The following SLC71A2 variants were observed in gnomAD, a reference collection of about 807,000 sequenced individuals.
The protein encoded by SLC71A2 is hippocampus abundant transcript-like 1.
At chr9:94,399,768 A>C in the SLC71A2 span, among the ~76,000 whole-genome samples, 1 of 151,912 alleles carries the variant, frequency 6.6e-6, no homozygotes, top group East Asian at 1.9e-4. Flanking sequence ...CGCCACACAG[A>C]AAGCCAATCA....
chr9:94,402,777 A>C, the SLC71A2 span, among the ~76,000 whole-genome samples: 1 of 152,234 alleles, frequency 6.6e-6, no homozygotes, highest in African/African-American at 2.4e-5. Context: ...TCTTGAAACC[A>C]TGTGACCAAG....
At chr9:94,416,840 G>A in the SLC71A2 span, among the ~76,000 whole-genome samples, 1 of 133,144 alleles carries the variant, frequency 7.5e-6, no homozygotes, top group Non-Finnish European at 1.6e-5. Flanking sequence ...GACAACAAAA[G>A]CAAAACTCCA....
the SLC71A2 span, among the ~76,000 whole-genome samples, chr9:94,391,362 T>TAAA: frequency 2.3e-5 from 3 of 130,396 alleles, no homozygotes; most frequent in Middle Eastern, 4.0e-3. Context: ...GACTCTGTCT[T>TAAA]AAAAAAAAAA....
At chr9:94,451,241 A>G in the SLC71A2 span, among the ~76,000 whole-genome samples, 1 of 152,234 alleles carries the variant, frequency 6.6e-6, no homozygotes, top group Non-Finnish European at 1.5e-5. Flanking sequence ...AAATGTCTAT[A>G]AAACATTTCA....
the SLC71A2 span, among the ~76,000 whole-genome samples, chr9:94,455,400 T>TTTTTTTAAG: frequency 8.4e-6 from 1 of 118,596 alleles, no homozygotes; most frequent in Non-Finnish European, 1.7e-5. Flanking sequence ...TTTTTTTTTG[T>TTTTTTTAAG]AAAGACAAGG....
At chr9:94,386,289 A>G in the SLC71A2 span, among the ~76,000 whole-genome samples, 1 of 145,146 alleles carries the variant, frequency 6.9e-6, no homozygotes, top group Non-Finnish European at 1.5e-5. Context: ...GTTTTTCTGC[A>G]TTGTCTAATC....
At chr9:94,415,292 A>C in the SLC71A2 span, 1 of 1,414,250 alleles carries the variant, frequency 7.1e-7, no homozygotes, top group Non-Finnish European at 1.0e-6. Context: ...TTGTAAGAGA[A>C]AGAGATAAGT....
chr9:94,390,974 A>G, the SLC71A2 span, among the ~76,000 whole-genome samples: 1 of 151,968 alleles, frequency 6.6e-6, no homozygotes, highest in Non-Finnish European at 1.5e-5. Flanking sequence ...TTCTTCAGGA[A>G]GATTTATCTG....
At chr9:94,433,251 C>T in the SLC71A2 span, 2,996 of 198,510 alleles carry the variant, frequency 0.015, 81 homozygotes, top group African/African-American at 0.065. Flanking sequence ...CGCTCTGTCC[C>T]ACACTGGCAG....
At chr9:94,429,626 C>T in the SLC71A2 span, among the ~76,000 whole-genome samples, 18 of 151,876 alleles carry the variant, frequency 1.2e-4, no homozygotes, top group African/African-American at 3.4e-4. Flanking sequence ...AGAAGGAAGC[C>T]GAGCTGGTAA....
the SLC71A2 span, among the ~76,000 whole-genome samples, chr9:94,384,510 TTG>T: frequency 6.6e-6 from 1 of 152,018 alleles, no homozygotes; most frequent in East Asian, 1.9e-4. Context: ...CAGCTAATTT[TTG>T]TATTTTTTGT....
At chr9:94,441,972 GAT>G in the SLC71A2 span, among the ~76,000 whole-genome samples, 1 of 152,224 alleles carries the variant, frequency 6.6e-6, no homozygotes, top group African/African-American at 2.4e-5. Flanking sequence ...CAGGGGAAAA[GAT>G]AGCATAGCAT....
the SLC71A2 span, among the ~76,000 whole-genome samples, chr9:94,419,455 G>C: frequency 2.0e-5 from 3 of 151,548 alleles, no homozygotes; most frequent in African/African-American, 7.3e-5. Flanking sequence ...CACCATGCCT[G>C]GCTCTTTTTT....
At chr9:94,384,253 A>C in the SLC71A2 span, among the ~76,000 whole-genome samples, 5 of 151,308 alleles carry the variant, frequency 3.3e-5, no homozygotes, top group African/African-American at 1.2e-4. Flanking sequence ...TACCATATTC[A>C]TCCTTATCTT....
At chr9:94,435,452 T>C in the SLC71A2 span, among the ~76,000 whole-genome samples, 1 of 152,196 alleles carries the variant, frequency 6.6e-6, no homozygotes, top group East Asian at 1.9e-4. Context: ...TTTTCCCCAG[T>C]GTTTTAAATT....
At chr9:94,382,167 C>T in the SLC71A2 span, among the ~76,000 whole-genome samples, 1 of 151,878 alleles carries the variant, frequency 6.6e-6, no homozygotes, top group African/African-American at 2.4e-5. Context: ...ACTGGGACTA[C>T]AGGCATATGC....
the SLC71A2 span, among the ~76,000 whole-genome samples, chr9:94,382,484 T>C: frequency 1.3e-5 from 2 of 152,266 alleles, no homozygotes; most frequent in African/African-American, 4.8e-5. Context: ...TCAAATGATT[T>C]GCAAATACAT....
chr9:94,457,744 G>A, the SLC71A2 span, among the ~76,000 whole-genome samples: 2 of 152,200 alleles, frequency 1.3e-5, no homozygotes, highest in African/African-American at 4.8e-5. Flanking sequence ...GCATATAAAA[G>A]TTTTGGAACA....
At chr9:94,382,578 A>G in the SLC71A2 span, among the ~76,000 whole-genome samples, 1 of 152,056 alleles carries the variant, frequency 6.6e-6, no homozygotes, top group Non-Finnish European at 1.5e-5. Flanking sequence ...AAATTTATCA[A>G]TTTGCTCTTT....
Sources: allele counts gnomAD v4.1 joint callset (sites outside exome capture counted in the v4.1 genomes callset), GRCh38; gene constraint gnomAD v4.1.1; transcripts MANE v1.5; gene names NCBI Gene and HGNC (gene_info 2026-07-23, HGNC 2026-07-21).